ZCCHC14: variants seen among roughly 807,000 people sequenced by gnomAD.
The protein encoded by ZCCHC14 is zinc finger CCHC-type containing 14, also known as zinc finger CCHC domain-containing protein 14.
Under a neutral mutation model 85.0 loss-of-function variants are expected in ZCCHC14, and 16 were observed. The ratio of observed to expected loss-of-function variants is 0.19; its 90% CI spans 0.13 to 0.29. The LOEUF (loss-of-function observed/expected upper bound fraction) is 0.29. Ranked by LOEUF, ZCCHC14 falls within the 10% of genes least tolerant of loss-of-function variation. The probability of loss-of-function intolerance (pLI) is 1.00; values close to 1 mark genes in which losing one functional copy is unlikely to be tolerated. For missense variants in ZCCHC14, 1,303 were observed against 1,443.5 expected (o/e 0.90, Z 1.58); for synonymous variants, 775 against 630.7 (o/e 1.23, Z -3.43).
chr16:87,419,222 G>A (rs1158874307), intron 6 of ZCCHC14, among the ~76,000 whole-genome samples: 4 of 151,552 alleles, frequency 2.6e-5, no homozygotes, highest in Admixed American at 2.0e-4. Context: ...ACCGCCTCCC[G>A]GGTTCAAGTG....
chr16:87,417,106 T>G (rs8044605), intron 8 of ZCCHC14, among the ~76,000 whole-genome samples: 1 of 152,134 alleles, frequency 6.6e-6, no homozygotes, highest in Non-Finnish European at 1.5e-5. Context: ...CCCGCCGCAG[T>G]GTCTGCGCCA....
At chr16:87,414,646 C>T (rs1488880566) in intron 9 of ZCCHC14, 105 bp from the exon 10 acceptor site, 2 of 1,456,814 alleles carry the variant, frequency 1.4e-6, no homozygotes, top group Non-Finnish European at 1.8e-6. Flanking sequence ...GGCTTTGATA[C>T]AGGGCGACTT....
At chr16:87,482,173 C>A (rs1309559608) in intron 1 of ZCCHC14, among the ~76,000 whole-genome samples, 1 of 152,176 alleles carries the variant, frequency 6.6e-6, no homozygotes, top group Non-Finnish European at 1.5e-5. Context: ...GGTTGGAAGA[C>A]AGAAACCTGC....
chr16:87,438,551 C>G (rs1910040682), intron 2 of ZCCHC14, among the ~76,000 whole-genome samples: 1 of 152,194 alleles, frequency 6.6e-6, no homozygotes, highest in Non-Finnish European at 1.5e-5. Flanking sequence ...TAACTAAGGT[C>G]AGTTTTGTGT....
At chr16:87,440,314 A>T (rs1910122985) in intron 2 of ZCCHC14, among the ~76,000 whole-genome samples, 1 of 151,928 alleles carries the variant, frequency 6.6e-6, no homozygotes, top group Non-Finnish European at 1.5e-5. Flanking sequence ...ACAGGCGCAC[A>T]CCACCACGCC....
In ZCCHC14 at chr16:87,408,298, ATTTC is replaced by A. The variant is rs1908290429; in HGVS notation, c.*1978_*1981del. On this transcript the variant is annotated 3_prime_UTR_variant, in exon 13 of 13. Transcript: ENST00000671377. ...TGTTGAAATAGGATTTATTTAAAATATTTCTTTGCTTAAAAAAACCAAAAAATTT... is the reference window on the plus strand; with the variant it reads ...TGTTGAAATAGGATTTATTTAAAATATTTGCTTAAAAAAACCAAAAAATTT... 6.6e-6 allele frequency: 1 copy of A among 152,526 alleles called. No individual in the cohort carries two copies. The highest frequency in any genetic ancestry group is 2.1e-4 in the South Asian group (1 of 4,834). The allele number at this position is 152,526 out of a possible 1,614,324, so 9.4% of individuals were successfully genotyped here.
chr16:87,457,312 T>A (rs1044080809), intron 2 of ZCCHC14, among the ~76,000 whole-genome samples: 2 of 152,250 alleles, frequency 1.3e-5, no homozygotes, highest in East Asian at 1.9e-4. Flanking sequence ...GTCCCACCTT[T>A]CTTTTCCTCT....
chr16:87,467,044 TG>T (rs1295666964), intron 1 of ZCCHC14: 27 of 372,054 alleles, frequency 7.3e-5, no homozygotes, highest in African/African-American at 3.7e-4. Context: ...AAAAAAAAAT[TG>T]TTTTTTTTTT....
intron 3 of ZCCHC14, among the ~76,000 whole-genome samples, chr16:87,428,855 G>C (rs1909506202): frequency 6.6e-6 from 1 of 151,964 alleles, no homozygotes; most frequent in Non-Finnish European, 1.5e-5. Flanking sequence ...GCATATGGCT[G>C]AGTATCTCAG....
chr16:87,449,112 C>G (rs1366849239), intron 2 of ZCCHC14, among the ~76,000 whole-genome samples: 1 of 152,238 alleles, frequency 6.6e-6, no homozygotes, highest in Non-Finnish European at 1.5e-5. Flanking sequence ...CATGGCCCAG[C>G]TGACACCAGC....
chr16:87,431,517 A>T (rs967292639), intron 3 of ZCCHC14, among the ~76,000 whole-genome samples: 9 of 151,964 alleles, frequency 5.9e-5, no homozygotes, highest in Non-Finnish European at 1.2e-4. Context: ...AAGTAAAGCA[A>T]AGCTATGGCC....
chr16:87,439,095 T>A (rs1305371817), intron 2 of ZCCHC14, among the ~76,000 whole-genome samples: 1 of 151,982 alleles, frequency 6.6e-6, no homozygotes, highest in East Asian at 1.9e-4. Context: ...ATCTTCTTTA[T>A]AGGATTCCAA....
At chr16:87,465,202 C>T (rs1364123777) in intron 1 of ZCCHC14, among the ~76,000 whole-genome samples, 1 of 152,244 alleles carries the variant, frequency 6.6e-6, no homozygotes, top group Non-Finnish European at 1.5e-5. Context: ...CTTCTCGATG[C>T]TCAGCAAGGC....
chr16:87,466,705 G>A (rs7201666), intron 1 of ZCCHC14, among the ~76,000 whole-genome samples: 4,310 of 152,270 alleles, frequency 0.028, 90 homozygotes, highest in Middle Eastern at 0.11. Flanking sequence ...TGCAATCAAA[G>A]TATCTGTGAC....
intron 7 of ZCCHC14, among the ~76,000 whole-genome samples, chr16:87,418,281 T>C (rs1274688146): frequency 6.6e-6 from 1 of 152,242 alleles, no homozygotes; most frequent in Non-Finnish European, 1.5e-5. Context: ...TGACCGGCAC[T>C]CCACTCTGGC....
chr16:87,471,394 T>A (rs974465717), intron 1 of ZCCHC14: 1 of 152,220 alleles, frequency 6.6e-6, no homozygotes, highest in Non-Finnish European at 1.5e-5. Flanking sequence ...GTAAAAACAT[T>A]CCTTTTAATA....
At chr16:87,458,131 A>G (rs1311374275) in intron 2 of ZCCHC14, among the ~76,000 whole-genome samples, 1 of 152,146 alleles carries the variant, frequency 6.6e-6, no homozygotes, top group Non-Finnish European at 1.5e-5. Context: ...GGATGTCAAT[A>G]ATTACATCCT....
chr16:87,483,918 T>G (rs1212707489), intron 1 of ZCCHC14, among the ~76,000 whole-genome samples: 1 of 152,224 alleles, frequency 6.6e-6, no homozygotes, highest in Non-Finnish European at 1.5e-5. Flanking sequence ...TGCACTGGTT[T>G]GTAATAATAC....
chr16:87,416,367 C>A (rs1248389216), intron 8 of ZCCHC14, among the ~76,000 whole-genome samples: 4 of 152,218 alleles, frequency 2.6e-5, no homozygotes, highest in African/African-American at 7.2e-5. Context: ...TATTTCCTAA[C>A]ATGATTTGTG....
Sources: gnomAD v4.1 joint callset for allele counts (sites outside exome capture counted in the v4.1 genomes callset) on GRCh38, gnomAD v4.1.1 for gene constraint, MANE v1.5 for transcripts, NCBI Gene and HGNC (gene_info 2026-07-23, HGNC 2026-07-21) for gene names.